Variants in INSL6 observed in about 807,000 individuals in gnomAD.
INSL6 encodes insulin-like peptide INSL6.
A neutral mutation model predicts 9.4 loss-of-function variants in INSL6; 16 were observed. That is an observed-to-expected ratio of 1.70 (90% CI 1.15 to 2.59). The LOEUF (loss-of-function observed/expected upper bound fraction) is 2.59. Among genes scored for constraint, INSL6 ranks in the 30% most tolerant of loss-of-function variants. INSL6 has a pLI of 0.00. For missense variants in INSL6, 391 were observed against 257.3 expected, an observed-to-expected ratio of 1.52 and a Z score of -3.56; for synonymous variants, 154 against 96.9, an observed-to-expected ratio of 1.59 and a Z score of -3.46.
At chr9:5,042,155 G>A in the INSL6 span, among the ~76,000 whole-genome samples, 3 of 141,880 alleles carry the variant, frequency 2.1e-5, no homozygotes, top group Admixed American at 7.1e-5. Flanking sequence ...TTTTGAGACG[G>A]AGTCTCGCTT....
At chr9:5,082,031 CTGAA>C in the INSL6 span, among the ~76,000 whole-genome samples, 3 of 152,214 alleles carry the variant, frequency 2.0e-5, no homozygotes, top group African/African-American at 7.2e-5. Flanking sequence ...GCTATCTTTA[CTGAA>C]TGAAGGGGGC....
At chr9:5,055,346 G>A in the INSL6 span, among the ~76,000 whole-genome samples, 1 of 151,920 alleles carries the variant, frequency 6.6e-6, no homozygotes. Flanking sequence ...GATTTAGAGG[G>A]ATCATTTTTT....
intron 2 of INSL6, among the ~76,000 whole-genome samples, chr9:5,146,669 G>T (rs1824606634): frequency 6.6e-6 from 1 of 152,208 alleles, no homozygotes; most frequent in South Asian, 2.1e-4. Context: ...CAGTCAACAG[G>T]GGTTGAGAGG....
At chr9:5,002,137 T>C in the INSL6 span, among the ~76,000 whole-genome samples, 1 of 151,858 alleles carries the variant, frequency 6.6e-6, no homozygotes, top group South Asian at 2.1e-4. Flanking sequence ...AAGTTTTGGT[T>C]TGATTGATTT....
chr9:5,155,934 A>AAAAGACC (rs1440331264), intron 2 of INSL6, among the ~76,000 whole-genome samples: 2 of 152,192 alleles, frequency 1.3e-5, no homozygotes, highest in African/African-American at 4.8e-5. Flanking sequence ...AAAAGAAAAA[A>AAAAGACC]AAAGACCAAT....
the INSL6 span, among the ~76,000 whole-genome samples, chr9:5,005,839 T>G: frequency 7.2e-5 from 11 of 152,334 alleles, no homozygotes; most frequent in African/African-American, 2.6e-4. Flanking sequence ...CTCTGTTCTG[T>G]TCCATTGATC....
the INSL6 span, among the ~76,000 whole-genome samples, chr9:5,008,592 TC>T: frequency 6.6e-6 from 1 of 152,220 alleles, no homozygotes; most frequent in Non-Finnish European, 1.5e-5. Flanking sequence ...TGTGTTTTCA[TC>T]AGTGATTTTT....
At chr9:5,063,869 A>G in the INSL6 span, among the ~76,000 whole-genome samples, 1 of 152,230 alleles carries the variant, frequency 6.6e-6, no homozygotes, top group Non-Finnish European at 1.5e-5. Context: ...GTATTAAGAT[A>G]CAATCAGGCC....
chr9:5,125,336 G>A (rs10974969), intron 3 of INSL6, among the ~76,000 whole-genome samples: 37,840 of 150,766 alleles, frequency 0.25, 5,065 homozygotes, highest in South Asian at 0.3. Flanking sequence ...TTACAGCATG[G>A]GTAATTTACT....
intron 1 of INSL6, among the ~76,000 whole-genome samples, chr9:5,178,475 T>C (rs571495596): frequency 1.8e-4 from 28 of 152,332 alleles, no homozygotes; most frequent in Middle Eastern, 3.4e-3. Flanking sequence ...AGGACCTCCA[T>C]GTGGAGGCTT....
chr9:4,994,548 A>G, the INSL6 span, among the ~76,000 whole-genome samples: 1 of 152,236 alleles, frequency 6.6e-6, no homozygotes, highest in African/African-American at 2.4e-5. Flanking sequence ...ATTAAGGATC[A>G]TAAATAAAAT....
At chr9:4,992,171 G>A in the INSL6 span, among the ~76,000 whole-genome samples, 1 of 152,188 alleles carries the variant, frequency 6.6e-6, no homozygotes, top group Non-Finnish European at 1.5e-5. Context: ...CACATGATGG[G>A]TAGTTGATGC....
the INSL6 span, among the ~76,000 whole-genome samples, chr9:5,028,744 A>G: frequency 6.6e-6 from 1 of 152,024 alleles, no homozygotes; most frequent in Admixed American, 6.6e-5. Context: ...CTTTTCTTAA[A>G]CCTCATGAAC....
the INSL6 span, among the ~76,000 whole-genome samples, chr9:5,011,120 G>T: frequency 2.0e-5 from 3 of 152,156 alleles, no homozygotes; most frequent in African/African-American, 7.2e-5. Context: ...GGATTCAGAT[G>T]AACTTTTTGG....
At chr9:5,012,824 A>G in the INSL6 span, among the ~76,000 whole-genome samples, 21 of 152,296 alleles carry the variant, frequency 1.4e-4, no homozygotes, top group South Asian at 4.4e-3. Flanking sequence ...GCAAACAGAT[A>G]ATGGAATTTT....
At chr9:5,004,258 A>G in the INSL6 span, among the ~76,000 whole-genome samples, 1 of 152,134 alleles carries the variant, frequency 6.6e-6, no homozygotes, top group Admixed American at 6.5e-5. Flanking sequence ...GAAATTTCGT[A>G]TCCTTTGACC....
intron 2 of INSL6, among the ~76,000 whole-genome samples, chr9:5,149,330 A>G (rs1251841804): frequency 6.6e-6 from 1 of 152,130 alleles, no homozygotes; most frequent in African/African-American, 2.4e-5. Flanking sequence ...CTTTCTGAAG[A>G]TCTGTTCAAA....
At chr9:5,098,693 A>G in the INSL6 span, 1 of 151,362 alleles carries the variant, frequency 6.6e-6, no homozygotes, top group Admixed American at 6.6e-5. Flanking sequence ...TTAAGCTTCA[A>G]TTCCTTTTTT....
At chr9:5,161,024 CA>C (rs773406730), downstream of INSL6, among the ~76,000 whole-genome samples, 5 of 152,166 alleles carry the variant, frequency 3.3e-5, no homozygotes, top group South Asian at 4.2e-4. Context: ...AAACTAATAC[CA>C]ACTCTACTCA....
Sources: gnomAD v4.1 joint callset for allele counts (sites outside exome capture counted in the v4.1 genomes callset) on GRCh38, gnomAD v4.1.1 for gene constraint, MANE v1.5 for transcripts, NCBI Gene and HGNC (gene_info 2026-07-23, HGNC 2026-07-21) for gene names.